JAK1: variants seen among roughly 807,000 people sequenced by gnomAD.
JAK1 encodes the protein Janus kinase 1, also known as tyrosine-protein kinase JAK1.
In JAK1, 16 loss-of-function variants were observed where a neutral mutation model predicts 136.6. That is an observed-to-expected ratio of 0.12 (90% CI 0.08 to 0.18). The LOEUF (loss-of-function observed/expected upper bound fraction) is 0.18. JAK1 is among the 10% of genes least tolerant of loss of function. The probability of loss-of-function intolerance (pLI) is 1.00; values close to 1 mark genes in which losing one functional copy is unlikely to be tolerated. For missense variants in JAK1, 859 were observed against 1,450.1 expected, an observed-to-expected ratio of 0.59 and a Z score of 6.62; for synonymous variants, 492 against 519.5, an observed-to-expected ratio of 0.95 and a Z score of 0.72.
chr1:65,057,187 G>A (rs75176947), intron 1 of JAK1, among the ~76,000 whole-genome samples: 2,358 of 152,174 alleles, frequency 0.015, 47 homozygotes, highest in African/African-American at 0.054. Flanking sequence ...AGCCTTCCTT[G>A]CACAGTACTG....
chr1:64,893,278 A>G (rs1644966585), intron 1 of JAK1, among the ~76,000 whole-genome samples: 1 of 152,140 alleles, frequency 6.6e-6, no homozygotes, highest in Non-Finnish European at 1.5e-5. Context: ...AGAGGAACAG[A>G]GCTTGTGCGA....
At position 64,866,856 on chromosome 1, in the gene JAK1, A is replaced by T. The variant is rs1227110092; in HGVS notation, c.990+10T>A. ...ATGTTCTCTTTGATCGACTGCCAAC[A>T]GCCACTTACATTTGGTTTATGCCTC... On this transcript the variant is annotated intron_variant, in intron 7 of 24. Coordinates refer to ENST00000342505, the MANE Select transcript of JAK1 (RefSeq NM_002227.4). 3.8e-6 allele frequency: 6 copies of T among 1,593,356 alleles called. No homozygotes were observed. The highest frequency in any genetic ancestry group is 3.4e-6 in the Non-Finnish European group (4 of 1,164,232).
Position 64,854,645 on chromosome 1 carries a change from T to C in JAK1, c.1648+864A>G, listed in dbSNP as rs187422876. ...CACCTGCAGAACATCAGTGACGCCATTCAAGAGGCTTAACAAGAAACAGCT... is the reference window on the plus strand; with the variant it reads ...CACCTGCAGAACATCAGTGACGCCACTCAAGAGGCTTAACAAGAAACAGCT... On this transcript the variant is annotated intron_variant, in intron 11 of 24. Transcript: ENST00000342505. Among the ~76,000 whole-genome samples the C allele has an allele frequency of 8.3e-4, 125 of 151,460 alleles. 3 individuals carry two copies. The highest frequency in any genetic ancestry group is 6.3e-4 in the South Asian group (3 of 4,794).
chr1:64,938,924 TA>T (rs1645838635), intron 1 of JAK1, among the ~76,000 whole-genome samples: 1 of 152,210 alleles, frequency 6.6e-6, no homozygotes, highest in African/African-American at 2.4e-5. Context: ...TAATAGTTAA[TA>T]ATTAAAATAC....
intron 1 of JAK1, among the ~76,000 whole-genome samples, chr1:64,948,913 A>G (rs1369885355): frequency 6.6e-6 from 1 of 152,202 alleles, no homozygotes; most frequent in Non-Finnish European, 1.5e-5. Flanking sequence ...GAATTCTTGC[A>G]GTCTCTAAGG....
intron 1 of JAK1, among the ~76,000 whole-genome samples, chr1:64,893,594 G>A (rs1052990916): frequency 9.2e-5 from 14 of 152,164 alleles, no homozygotes; most frequent in Non-Finnish European, 2.1e-4. Flanking sequence ...TTGTGATGAT[G>A]ATTCAAGATT....
intron 1 of JAK1, among the ~76,000 whole-genome samples, chr1:64,958,295 C>G (rs1337841692): frequency 6.6e-6 from 1 of 152,082 alleles, no homozygotes; most frequent in Non-Finnish European, 1.5e-5. Flanking sequence ...TCCAACCAAC[C>G]CAAGTGAATG....
chr1:64,867,243 T>C lies in JAK1; in HGVS notation c.648-35A>G, dbSNP rs375571752. The C allele has an allele frequency of 2.2e-5, 32 of 1,448,498 alleles. No homozygotes were observed. The African/African-American group carries it at 2.9e-4, about 13-fold the overall frequency. The allele number at this position is 1,448,498 out of a possible 1,614,324, so 89.7% of individuals were successfully genotyped here. A position where few individuals can be genotyped will look rare whatever the true frequency, so the allele number is the denominator to read the frequency against. On this transcript the variant is annotated intron_variant, in intron 6 of 24. Transcript: ENST00000342505. ...AGTAGAAAAGTACATCTCCTTTTCA[T>C]GTACAGGTTAGGAGAAAATAGTTTA... is the stretch of plus-strand genomic sequence containing the variant.
intron 1 of JAK1, among the ~76,000 whole-genome samples, chr1:64,947,892 T>C (rs1013815580): frequency 1.3e-5 from 2 of 152,106 alleles, no homozygotes; most frequent in Admixed American, 6.5e-5. Context: ...ATCTATACTA[T>C]ATAATATAGA....
chr1:64,984,997 T>C lies in JAK1; in HGVS notation c.-78+59483A>G. ...ACCACAAAGACCAAGATAGCCCCAA[T>C]ACAGACAAAGCTTATCCCATTACAC... On this transcript the variant is annotated intron_variant, in intron 2 of 25. Coordinates refer to the JAK1 transcript ENST00000671954. This position sits in a 1 kb window ranked among gnomAD's most constrained non-coding sequence, Gnocchi z 4.1. The C allele has an allele frequency of 1.1e-6, 1 of 874,586 alleles. No individual in the cohort carries two copies. Among genetic ancestry groups the C allele is most frequent in the Admixed American group, 1.7e-5 (1 of 58,080 alleles). The allele number at this position is 874,586 out of a possible 1,614,324, so 54.2% of individuals were successfully genotyped here.
intron 17 of JAK1, among the ~76,000 whole-genome samples, chr1:64,842,245 G>A (rs1039692313): frequency 6.6e-6 from 1 of 152,126 alleles, no homozygotes; most frequent in Non-Finnish European, 1.5e-5. Context: ...AGTGTTAACA[G>A]TGGTCAGGGA....
At chr1:65,031,404 A>C (rs1229008077) in intron 2 of JAK1, among the ~76,000 whole-genome samples, 1 of 152,162 alleles carries the variant, frequency 6.6e-6, no homozygotes, top group African/African-American at 2.4e-5. Context: ...ACATTCTACA[A>C]AATAACTGCC....
At chr1:65,064,806 T>C (rs1162351455) in intron 1 of JAK1, among the ~76,000 whole-genome samples, 1 of 152,286 alleles carries the variant, frequency 6.6e-6, no homozygotes, top group Non-Finnish European at 1.5e-5. Flanking sequence ...ACCTTCTCTA[T>C]CTAGAGCAGA....
At chr1:64,997,108 A>G (rs1287366421) in intron 2 of JAK1, among the ~76,000 whole-genome samples, 1 of 152,238 alleles carries the variant, frequency 6.6e-6, no homozygotes. Context: ...TAAGTAGTTA[A>G]CCCCAGGCAA....
chr1:65,034,835 A>T (rs1647058750), intron 2 of JAK1, among the ~76,000 whole-genome samples: 1 of 152,136 alleles, frequency 6.6e-6, no homozygotes, highest in African/African-American at 2.4e-5. Flanking sequence ...CGGGCGGATC[A>T]CTTGAGGTCA....
intron 2 of JAK1, among the ~76,000 whole-genome samples, chr1:65,005,931 G>C (rs928246456): frequency 1.3e-5 from 2 of 151,296 alleles, no homozygotes; most frequent in African/African-American, 4.8e-5. Flanking sequence ...AATTTTAAAA[G>C]TCATAATAAT....
upstream of JAK1, among the ~76,000 whole-genome samples, chr1:64,968,792 C>T (rs1047254295): frequency 2.0e-5 from 3 of 151,990 alleles, no homozygotes; most frequent in Non-Finnish European, 2.9e-5. Context: ...ATTAGCTGGA[C>T]GTGGTGGCGG....
At chr1:64,845,332 C>T (rs1183794962) in intron 15 of JAK1, among the ~76,000 whole-genome samples, 181 bp downstream of exon 15, 2 of 152,168 alleles carry the variant, frequency 1.3e-5, no homozygotes, top group East Asian at 3.9e-4. Flanking sequence ...GCACAGGGAA[C>T]GGCCCCAAAC....
intron 1 of JAK1, among the ~76,000 whole-genome samples, chr1:65,047,939 G>C (rs1253357666): frequency 6.6e-6 from 1 of 152,142 alleles, no homozygotes; most frequent in Non-Finnish European, 1.5e-5. Context: ...GTTGTGGACA[G>C]TTCAATAGAA....
Sources: gnomAD v4.1 joint callset for allele counts (sites outside exome capture counted in the v4.1 genomes callset) on GRCh38, gnomAD v4.1.1 for gene constraint, Gnocchi (gnomAD v3.1) non-coding constraint, MANE v1.5 for transcripts, NCBI Gene and HGNC (gene_info 2026-07-23, HGNC 2026-07-21) for gene names.